The following CCDC30 variants were observed in gnomAD, a reference collection of about 807,000 sequenced individuals.
CCDC30 encodes coiled-coil domain-containing protein 30.
Under a neutral mutation model 100.2 loss-of-function variants are expected in CCDC30, and 70 were observed. That is an observed-to-expected ratio of 0.70 (90% CI 0.58 to 0.85). The LOEUF is 0.85. Among genes scored for constraint, CCDC30 ranks in the 40% least tolerant of loss-of-function variants. The pLI is 0.00. For missense variants in CCDC30, 652 were observed against 771.2 expected (o/e 0.85, Z 1.83); for synonymous variants, 233 against 269.5 (o/e 0.86, Z 1.33).
At chr1:42,471,771 T>C (rs557755265) in intron 1 of CCDC30, among the ~76,000 whole-genome samples, 49 of 152,160 alleles carry the variant, frequency 3.2e-4, no homozygotes, top group Non-Finnish European at 6.5e-4. Flanking sequence ...TTTTCATCAG[T>C]ATGAGTATCA....
At chr1:42,656,835 A>T, downstream of CCDC30, among the ~76,000 whole-genome samples, 1 of 152,166 alleles carries the variant, frequency 6.6e-6, no homozygotes, top group Non-Finnish European at 1.5e-5. Context: ...TAACTGCTTA[A>T]TAAATGCTAT....
In CCDC30 at chr1:42,598,500, A is replaced by G. The variant is rs533910985; in HGVS notation, c.1164+9017A>G. The stretch of plus-strand genomic sequence containing the variant: ...GTTGAAGCTGCAATGAGCTGATGCA[A>G]TAAGAAAGGAGGGACAATGGAATTA... On this transcript the variant is annotated intron_variant, in intron 10 of 16. Coordinates refer to ENST00000668663, the Ensembl canonical transcript of CCDC30. 2.0e-5 allele frequency among the ~76,000 whole-genome samples: 3 copies of G among 152,242 alleles called. No homozygotes were observed. In the South Asian group the frequency reaches 6.2e-4, roughly 32 times the overall value.
In CCDC30 at chr1:42,618,273, G is replaced by T. The variant is rs745412817; in HGVS notation, c.1277+7183G>T. On this transcript the variant is annotated intron_variant, in intron 11 of 16. Transcript: ENST00000668663. ...TTTTTTGAGATGGAGTTTTGCTCTT[G>T]TTGCCCAGGCTGGAGTGCAGTGGTG... Among the ~76,000 whole-genome samples, 767 of 91,808 alleles carry T rather than the reference G, an allele frequency of 8.4e-3. 4 individuals carry two copies. Among genetic ancestry groups the T allele is most frequent in the Non-Finnish European group, 8.0e-3 (403 of 50,214 alleles). 60.2% of individuals were successfully genotyped at this position (91,808 alleles called of 152,430 possible). A position where few individuals can be genotyped will look rare whatever the true frequency, so the allele number is the denominator to read the frequency against.
intron 6 of CCDC30, among the ~76,000 whole-genome samples, chr1:42,512,498 G>A (rs1406135339): frequency 6.6e-6 from 1 of 152,144 alleles, no homozygotes; most frequent in Non-Finnish European, 1.5e-5. Flanking sequence ...ATTCCCCTGA[G>A]TTATATCCTT....
At chr1:42,492,060 T>A in intron 4 of CCDC30, 1 of 410,624 alleles carries the variant, frequency 2.4e-6, no homozygotes, top group Non-Finnish European at 4.6e-6. Context: ...TGACGAAATG[T>A]GTTCCGTGGT....
chr1:42,549,505 G>A (rs1263868665), intron 6 of CCDC30, among the ~76,000 whole-genome samples: 1 of 152,142 alleles, frequency 6.6e-6, no homozygotes. Context: ...GGACACTTGG[G>A]TTCTAGGTCA....
At chr1:42,638,559 C>G (rs1407797823) in intron 12 of CCDC30, among the ~76,000 whole-genome samples, 1 of 116,384 alleles carries the variant, frequency 8.6e-6, no homozygotes. Flanking sequence ...CACCCATGGG[C>G]AAAAAAAAAA....
At chr1:42,641,951 CAT>C (rs1429959432) in intron 12 of CCDC30, among the ~76,000 whole-genome samples, 5 of 152,100 alleles carry the variant, frequency 3.3e-5, no homozygotes, top group Non-Finnish European at 5.9e-5. Context: ...ATGGGCTGGG[CAT>C]GGTGGCTCAC....
intron 6 of CCDC30, among the ~76,000 whole-genome samples, chr1:42,512,451 G>A (rs373169338): frequency 8.5e-5 from 13 of 152,096 alleles, no homozygotes; most frequent in Non-Finnish European, 1.5e-4. Flanking sequence ...TGTGGCGGGT[G>A]GGGGGAGACC....
At chr1:42,617,366 G>C (rs1054853567) in intron 11 of CCDC30, among the ~76,000 whole-genome samples, 8 of 152,204 alleles carry the variant, frequency 5.3e-5, no homozygotes, top group African/African-American at 1.9e-4. Context: ...AGAAGTTAGA[G>C]ACTTGGGTTT....
chr1:42,576,299 T>C (rs995208505), intron 7 of CCDC30, among the ~76,000 whole-genome samples: 1 of 152,148 alleles, frequency 6.6e-6, no homozygotes, highest in Non-Finnish European at 1.5e-5. Flanking sequence ...ATGCAAGTTG[T>C]ATTGTGGGGA....
rs1295407609 is a variant in CCDC30, at chr1:42,637,093, A to T, written c.1278-144A>T. The T allele has an allele frequency of 6.6e-6, 4 of 609,484 alleles. No individual in the cohort carries two copies. In the East Asian group the frequency reaches 1.0e-4, roughly 16 times the overall value. 37.8% of individuals were successfully genotyped at this position (609,484 alleles called of 1,614,324 possible). A position where few individuals can be genotyped will look rare whatever the true frequency, so the allele number is the denominator to read the frequency against. On this transcript the variant is annotated intron_variant, in intron 11 of 16. Transcript: ENST00000668663. ...ACTCCCTGAAATGGAGGGCAAGAAG[A>T]TGTGAGGCAGGATAAGTATCCACAT...
At position 42,646,180 on chromosome 1, in the gene CCDC30, C is replaced by G. The variant is rs758046840; in HGVS notation, c.1717C>G (p.Leu573Val). 9.4e-5 allele frequency: 151 copies of G among 1,602,374 alleles called. No individual in the cohort carries two copies. The highest frequency in any genetic ancestry group is 1.2e-4 in the Non-Finnish European group (146 of 1,173,956). The change falls in exon 15 of 17, where the codon CTG becomes GTG. Residue 573 changes from leucine to valine, a missense_variant. By Grantham distance (32) the Leu-to-Val change is conservative (BLOSUM62 1). Coordinates refer to ENST00000668663, the Ensembl canonical transcript of CCDC30. ...TCCAAAATGGTGGCATAGAGGCAAG[C>G]TGGCTTCTCTCCCTCCAACAAAGAA...
chr1:42,646,432 G>A, intron 15 of CCDC30, 115 bp downstream of exon 19: 1 of 1,244,768 alleles, frequency 8.0e-7, no homozygotes, highest in Non-Finnish European at 1.0e-6. Context: ...TAAAACGGAG[G>A]TAGTCAAACA....
intron 11 of CCDC30, among the ~76,000 whole-genome samples, chr1:42,616,377 T>A (rs1022236943): frequency 7.2e-5 from 11 of 152,210 alleles, no homozygotes; most frequent in African/African-American, 2.7e-4. Flanking sequence ...GGATCAATAC[T>A]TTTCTAAAAG....
At chr1:42,502,365 G>A (rs1644329549) in intron 6 of CCDC30, among the ~76,000 whole-genome samples, 1 of 152,172 alleles carries the variant, frequency 6.6e-6, no homozygotes, top group African/African-American at 2.4e-5. Flanking sequence ...AATTTTCCAG[G>A]TACCGTCTGT....
At chr1:42,611,479 A>AT (rs1419258613) in intron 11 of CCDC30, among the ~76,000 whole-genome samples, 4 of 151,940 alleles carry the variant, frequency 2.6e-5, no homozygotes, top group Non-Finnish European at 4.4e-5. Context: ...AATATTACTA[A>AT]TATGTATATT....
intron 9 of CCDC30, among the ~76,000 whole-genome samples, chr1:42,586,496 G>A (rs192603225): frequency 3.8e-3 from 582 of 152,024 alleles, no homozygotes; most frequent in Non-Finnish European, 5.3e-3. Context: ...TTAGAGACAG[G>A]ATCTCCCTAT....
intron 1 of CCDC30, among the ~76,000 whole-genome samples, chr1:42,471,435 A>C (rs1403848480): frequency 1.3e-5 from 2 of 152,180 alleles, no homozygotes; most frequent in Non-Finnish European, 2.9e-5. Flanking sequence ...ATTTGCTTCC[A>C]GTCTTTTCTT....
Sources: gnomAD v4.1 joint callset for allele counts (sites outside exome capture counted in the v4.1 genomes callset) on GRCh38, gnomAD v4.1.1 for gene constraint, MANE v1.5 for transcripts, NCBI Gene and HGNC (gene_info 2026-07-23, HGNC 2026-07-21) for gene names.